ARHGEF12: variants seen among roughly 807,000 people sequenced by gnomAD.
ARHGEF12 encodes KMT2A/ARHGEF12 fusion protein.
A neutral mutation model predicts 211.2 loss-of-function variants in ARHGEF12; 66 were observed. That is an observed-to-expected ratio of 0.31 (90% CI 0.26 to 0.38). The LOEUF (loss-of-function observed/expected upper bound fraction) is 0.38. ARHGEF12 is among the 10% of genes least tolerant of loss of function. The pLI, the probability that ARHGEF12 is intolerant of heterozygous loss-of-function variation, is 1.00. For synonymous variants in ARHGEF12, 592 were observed against 638.4 expected (o/e 0.93, Z 1.09); for missense variants, 1,429 against 1,869.5 (o/e 0.76, Z 4.34).
intron 1 of ARHGEF12, among the ~76,000 whole-genome samples, chr11:120,381,057 G>A (rs966448314): frequency 2.0e-5 from 3 of 152,134 alleles, no homozygotes; most frequent in Admixed American, 1.3e-4. Context: ...TGTAGAATCA[G>A]CCATTTGAAG....
At chr11:120,441,916 A>G (rs879655866) in intron 14 of ARHGEF12, 99 bp downstream of exon 14, 2 of 1,107,164 alleles carry the variant, frequency 1.8e-6, no homozygotes, top group Admixed American at 2.0e-5. Context: ...GACTTCTTTC[A>G]GTTTTCCGTA....
intron 7 of ARHGEF12, among the ~76,000 whole-genome samples, chr11:120,427,704 T>A (rs1945388722): frequency 1.3e-5 from 2 of 151,928 alleles, no homozygotes; most frequent in South Asian, 4.1e-4. Context: ...AAATTTACAT[T>A]TAAGAAATTA....
intron 23 of ARHGEF12, 41 bp downstream of exon 23, chr11:120,457,291 A>G: frequency 6.2e-7 from 1 of 1,605,890 alleles, no homozygotes; most frequent in Non-Finnish European, 8.5e-7. Context: ...GGCATTACTT[A>G]AAGTTTTTAA....
rs1304398361 is a variant in ARHGEF12, at chr11:120,459,395, A to C, written c.2527+75A>C. ...AAGATTGTGAGTTTAAAATTTTGTAAATGTACCCATGTTAGTATTCCTGAG... is the reference window on the plus strand; with the variant it reads ...AAGATTGTGAGTTTAAAATTTTGTACATGTACCCATGTTAGTATTCCTGAG... On this transcript the variant is annotated intron_variant, in intron 26 of 40. Transcript: ENST00000397843. 51 of 1,476,422 alleles carry C rather than the reference A, an allele frequency of 3.5e-5. No individual in the cohort carries two copies. In the South Asian group the frequency reaches 5.6e-4, roughly 16 times the overall value. The allele number at this position is 1,476,422 out of a possible 1,614,324, so 91.5% of individuals were successfully genotyped here. A position where few individuals can be genotyped will look rare whatever the true frequency, so the allele number is the denominator to read the frequency against.
At chr11:120,400,605 A>G (rs1200685324) in intron 1 of ARHGEF12, among the ~76,000 whole-genome samples, 1 of 152,232 alleles carries the variant, frequency 6.6e-6, no homozygotes, top group Non-Finnish European at 1.5e-5. Flanking sequence ...CAAAAGTGAT[A>G]ATTTTCCAGA....
intron 7 of ARHGEF12, among the ~76,000 whole-genome samples, chr11:120,427,793 A>G (rs1945391486): frequency 6.6e-6 from 1 of 152,130 alleles, no homozygotes. Flanking sequence ...TCTTGGAGTT[A>G]TAAATTTTAT....
At chr11:120,351,175 C>G (rs1942927497) in intron 1 of ARHGEF12, among the ~76,000 whole-genome samples, 1 of 150,824 alleles carries the variant, frequency 6.6e-6, no homozygotes, top group Admixed American at 6.6e-5. Context: ...CGGTGAAACC[C>G]CGTCTCTACT....
intron 11 of ARHGEF12, among the ~76,000 whole-genome samples, chr11:120,434,395 A>G (rs1945635216): frequency 6.6e-6 from 1 of 152,228 alleles, no homozygotes; most frequent in South Asian, 2.1e-4. Context: ...GAGAAATGAT[A>G]AAGTCCAAGC....
intron 1 of ARHGEF12, among the ~76,000 whole-genome samples, chr11:120,381,726 A>G (rs894275444): frequency 6.6e-6 from 1 of 152,176 alleles, no homozygotes; most frequent in African/African-American, 2.4e-5. Context: ...GACAAATGCA[A>G]CGGGTCATGT....
intron 1 of ARHGEF12, among the ~76,000 whole-genome samples, chr11:120,380,086 A>G (rs1053109517): frequency 1.3e-5 from 2 of 152,218 alleles, no homozygotes; most frequent in African/African-American, 4.8e-5. Context: ...CTTTGTGGAA[A>G]TGTTTTCAAC....
chr11:120,435,799 A>T (rs1280039536), intron 11 of ARHGEF12, among the ~76,000 whole-genome samples: 1 of 152,068 alleles, frequency 6.6e-6, no homozygotes, highest in African/African-American at 2.4e-5. Context: ...TACAGGTGTG[A>T]TCCACCACTC....
intron 1 of ARHGEF12, among the ~76,000 whole-genome samples, chr11:120,359,890 A>G (rs1322311813): frequency 6.6e-6 from 1 of 152,252 alleles, no homozygotes; most frequent in Non-Finnish European, 1.5e-5. Flanking sequence ...ATTGTTCAGT[A>G]GTTAAATAAG....
intron 1 of ARHGEF12, among the ~76,000 whole-genome samples, chr11:120,380,758 A>G (rs573490152): frequency 9.9e-5 from 15 of 152,260 alleles, no homozygotes; most frequent in African/African-American, 3.4e-4. Flanking sequence ...ATATCTACAT[A>G]CATGGTTTGA....
Position 120,467,276 on chromosome 11 carries a change from C to A in ARHGEF12, c.2822C>A (p.Pro941Gln). Residue 941 changes from proline (P) to glutamine (Q), a missense_variant, in exon 29 of 41, where the codon CCA becomes CAA. By Grantham distance (76) the Pro-to-Gln change is moderately conservative (BLOSUM62 -1). Coordinates refer to ENST00000397843, the MANE Select transcript of ARHGEF12 (RefSeq NM_015313.3). ...PTQMQRLTKYPLLLDNIAKYT... is the reference protein window; with the variant it reads ...PTQMQRLTKYQLLLDNIAKYT... ...CAAATGCAAAGGCTTACTAAGTACC[C>A]ACTTCTGTTGGATAATATTGCCAAA... 1 of 1,612,864 alleles carries A rather than the reference C, an allele frequency of 6.2e-7. No individual in the cohort carries two copies. Among genetic ancestry groups the A allele is most frequent in the Non-Finnish European group, 8.5e-7 (1 of 1,179,212 alleles).
intron 15 of ARHGEF12, among the ~76,000 whole-genome samples, chr11:120,444,896 A>T (rs941439936): frequency 2.6e-5 from 4 of 152,182 alleles, no homozygotes; most frequent in African/African-American, 7.2e-5. Context: ...CTCAACATTG[A>T]CATTCAATAT....
intron 18 of ARHGEF12, chr11:120,447,335 GTTGA>G (rs1946075723): frequency 8.1e-6 from 3 of 372,500 alleles, no homozygotes; most frequent in East Asian, 8.9e-5. Context: ...TCAAAAACAG[GTTGA>G]TTACTTTCAT....
intron 39 of ARHGEF12, among the ~76,000 whole-genome samples, chr11:120,482,773 A>G (rs1176745130): frequency 1.3e-5 from 2 of 152,064 alleles, no homozygotes; most frequent in African/African-American, 2.4e-5. Context: ...TTGCCATCAG[A>G]AAACACAGCT....
At chr11:120,442,427 TAC>T (rs59268139) in intron 15 of ARHGEF12, among the ~76,000 whole-genome samples, 12,768 of 143,384 alleles carry the variant, frequency 0.089, 599 homozygotes, top group East Asian at 0.15. Context: ...TATATATATA[TAC>T]ACACACACAC....
chr11:120,338,522 CA>C (rs1195524905), intron 1 of ARHGEF12, among the ~76,000 whole-genome samples: 3 of 152,126 alleles, frequency 2.0e-5, no homozygotes, highest in Admixed American at 2.0e-4. Context: ...GTGTATTTTT[CA>C]AAGTGGGTTT....
Sources: gnomAD v4.1 joint callset for allele counts (sites outside exome capture counted in the v4.1 genomes callset) on GRCh38, gnomAD v4.1.1 for gene constraint, MANE v1.5 for transcripts, NCBI Gene and HGNC (gene_info 2026-07-23, HGNC 2026-07-21) for gene names.